RGS3: variants seen among roughly 807,000 people sequenced by gnomAD.
The protein encoded by RGS3 is regulator of G-protein signalling 3.
RGS3 carries 80 observed loss-of-function variants against 132.6 expected under a neutral mutation model. That is an observed-to-expected ratio of 0.60 (90% confidence interval 0.50 to 0.73). The LOEUF (loss-of-function observed/expected upper bound fraction) is 0.73. RGS3 is among the 30% of genes least tolerant of loss of function. RGS3 has a pLI of 0.00. For synonymous variants in RGS3, 598 were observed against 620.6 expected (o/e 0.96, Z 0.54); for missense variants, 1,382 against 1,530.8 (o/e 0.90, Z 1.62).
intron 9 of RGS3, 148 bp from the exon 8 acceptor site, chr9:113,497,877 G>C (rs1222025062): frequency 1.4e-6 from 1 of 714,442 alleles, no homozygotes; most frequent in African/African-American, 1.8e-5. Context: ...TGTCTGGATT[G>C]AGCCTCAGGT....
chr9:113,583,802 C>T (rs371825978), exon 20 of RGS3: 4 of 1,614,020 alleles, frequency 2.5e-6, no homozygotes, highest in Non-Finnish European at 3.4e-6. Flanking sequence ...CCTCTACTCA[C>T]CAAAGACCTC....
chr9:113,537,053 C>T lies in RGS3; in HGVS notation c.2037+135C>T, dbSNP rs979572029. On this transcript the variant is annotated intron_variant, in intron 19 of 24. Transcript: ENST00000350696. The surrounding 1 kb of genome is among the most constrained non-coding windows in gnomAD (Gnocchi z 4.3). ...CTCTGGGCAATGAGCTCTTGGCAAG[C>T]GGGGACCTGTGCCCGAATGTCTCTC... 16 of 764,516 alleles carry T rather than the reference C, an allele frequency of 2.1e-5. No individual in the cohort carries two copies. The highest frequency in any genetic ancestry group is 2.7e-5 in the Non-Finnish European group (13 of 478,076). The allele number at this position is 764,516 out of a possible 1,614,324, so 47.4% of individuals were successfully genotyped here.
At chr9:113,577,642 G>A (rs1834592940) in intron 19 of RGS3, among the ~76,000 whole-genome samples, 1 of 152,162 alleles carries the variant, frequency 6.6e-6, no homozygotes, top group Admixed American at 6.5e-5. Context: ...CAGCCACACA[G>A]CTGTCCTCTG....
At chr9:113,588,228 CA>C (rs1564616140) in intron 20 of RGS3, among the ~76,000 whole-genome samples, 1 of 152,190 alleles carries the variant, frequency 6.6e-6, no homozygotes, top group African/African-American at 2.4e-5. Context: ...GAGAGGACCC[CA>C]AAAATGCCTT....
At chr9:113,550,161 G>C (rs1275354941) in intron 19 of RGS3, among the ~76,000 whole-genome samples, 1 of 152,188 alleles carries the variant, frequency 6.6e-6, no homozygotes, top group Non-Finnish European at 1.5e-5. Context: ...TCAGGAGTTC[G>C]AGACCAGTCT....
At chr9:113,533,188 A>G (rs1486654924) in intron 18 of RGS3, among the ~76,000 whole-genome samples, 1 of 150,906 alleles carries the variant, frequency 6.6e-6, no homozygotes, top group East Asian at 1.9e-4. Context: ...CTGCCTCTTC[A>G]CTGCATTGCC....
At chr9:113,513,644 G>T (rs1306306115) in intron 14 of RGS3, among the ~76,000 whole-genome samples, 1 of 152,214 alleles carries the variant, frequency 6.6e-6, no homozygotes, top group African/African-American at 2.4e-5. Context: ...TATTGTTACA[G>T]TTGAGGAAAT....
exon 20 of RGS3, chr9:113,584,227 C>G: frequency 6.2e-7 from 1 of 1,612,800 alleles, no homozygotes; most frequent in South Asian, 1.1e-5. Context: ...CTCGCTGCGG[C>G]GCCGGACGCA....
chr9:113,478,410 T>C (rs1356780729), intron 3 of RGS3, among the ~76,000 whole-genome samples: 1 of 152,200 alleles, frequency 6.6e-6, no homozygotes, highest in Non-Finnish European at 1.5e-5. Context: ...CCTAGTCTGT[T>C]CTCTAGCAGG....
At chr9:113,523,654 C>G (rs1298690355) in intron 17 of RGS3, among the ~76,000 whole-genome samples, 2 of 152,062 alleles carry the variant, frequency 1.3e-5, no homozygotes, top group Admixed American at 6.5e-5. Context: ...ACCACGCCCT[C>G]CACTCGTGGG....
intron 3 of RGS3, among the ~76,000 whole-genome samples, chr9:113,464,357 G>C (rs1406229361): frequency 1.3e-5 from 2 of 152,240 alleles, no homozygotes; most frequent in Non-Finnish European, 2.9e-5. Context: ...AGCCACAGTG[G>C]AGATGGGAGA....
intron 14 of RGS3, among the ~76,000 whole-genome samples, chr9:113,513,450 T>A (rs1422089276): frequency 6.6e-6 from 1 of 152,056 alleles, no homozygotes; most frequent in Non-Finnish European, 1.5e-5. Context: ...ATTCCCAGAG[T>A]CCTATGGGGC....
intron 19 of RGS3, chr9:113,582,005 T>G (rs1387000296): frequency 8.1e-6 from 8 of 985,358 alleles, no homozygotes; most frequent in Non-Finnish European, 9.6e-6. Context: ...ACTTTCACTT[T>G]CACACTCCCA....
intron 18 of RGS3, among the ~76,000 whole-genome samples, chr9:113,532,409 C>T (rs142286896): frequency 4.7e-4 from 72 of 152,058 alleles, no homozygotes; most frequent in Admixed American, 2.9e-3. Flanking sequence ...TTAGGTCTCC[C>T]GAAAATGTTT....
At chr9:113,550,797 T>C (rs1833310470) in intron 19 of RGS3, among the ~76,000 whole-genome samples, 1 of 152,198 alleles carries the variant, frequency 6.6e-6, no homozygotes, top group Non-Finnish European at 1.5e-5. Context: ...GTTCAAGTCT[T>C]TTGCTCATTT....
At chr9:113,511,565 C>T (rs1831403181) in intron 14 of RGS3, among the ~76,000 whole-genome samples, 1 of 152,128 alleles carries the variant, frequency 6.6e-6, no homozygotes, top group Non-Finnish European at 1.5e-5. Flanking sequence ...CATTCCAGAC[C>T]TCAGTTTCCT....
At chr9:113,490,587 G>A (rs1298162646) in intron 7 of RGS3, among the ~76,000 whole-genome samples, 3 of 134,192 alleles carry the variant, frequency 2.2e-5, no homozygotes, top group Non-Finnish European at 1.6e-5. Flanking sequence ...ATAATGTTAT[G>A]TACTAAGGTA....
At chr9:113,590,161 T>C (rs1245185923) in intron 20 of RGS3, 1 of 152,266 alleles carries the variant, frequency 6.6e-6, no homozygotes, top group African/African-American at 2.4e-5. Context: ...TCCAGCTCTG[T>C]CACTTACATG....
intron 8 of RGS3, 41 bp from the exon 7 acceptor site, chr9:113,497,273 G>A (rs1294079111): frequency 1.3e-6 from 2 of 1,521,524 alleles, no homozygotes. Flanking sequence ...CTGTGCTTCT[G>A]CCTCCTGTGT....
Sources: gnomAD v4.1 joint callset for allele counts (sites outside exome capture counted in the v4.1 genomes callset) on GRCh38, gnomAD v4.1.1 for gene constraint, Gnocchi (gnomAD v3.1) non-coding constraint, MANE v1.5 for transcripts, NCBI Gene and HGNC (gene_info 2026-07-23, HGNC 2026-07-21) for gene names.